Variants in SGSH observed in about 807,000 individuals in gnomAD.
SGSH encodes the protein heparan sulfate sulfatase.
SGSH carries 48 observed loss-of-function variants against 51.0 expected under a neutral mutation model. The ratio of observed to expected loss-of-function variants is 0.94; its 90% CI spans 0.75 to 1.20. The LOEUF is 1.20. SGSH is among the 50% of genes most tolerant of loss of function. The pLI is 0.00. For synonymous variants in SGSH, 321 were observed against 313.4 expected, an observed-to-expected ratio of 1.02 and a Z score of -0.26; for missense variants, 662 against 717.8, an observed-to-expected ratio of 0.92 and a Z score of 0.89.
chr17:80,213,881 G>T lies in SGSH; in HGVS notation c.668C>A (p.Pro223His). 6.2e-7 allele frequency: 1 copy of T among 1,606,744 alleles called. No homozygotes were observed. ...TGCCGGGGTGTTGGGGACGAAGTAAGGCACCTGGGGCAGGCGGTGGGGAGC... is the reference window on the plus strand; with the variant it reads ...TGCCGGGGTGTTGGGGACGAAGTAATGCACCTGGGGCAGGCGGTGGGGAGC... ...QAYDPLDVLV[P>H]YFVPNTPAAR... The change falls in exon 6 of 8, where the codon CCT becomes CAT. Residue 223 changes from proline to histidine, a missense_variant. Pro to His is a moderately conservative substitution (Grantham distance 77, BLOSUM62 -2). Coordinates refer to ENST00000326317, the MANE Select transcript of SGSH (RefSeq NM_000199.5). This position sits in a 1 kb window ranked among gnomAD's most constrained non-coding sequence, Gnocchi z 4.6.
In SGSH at chr17:80,213,995, C is replaced by T; in HGVS notation, c.664-110G>A. On this transcript the variant is annotated intron_variant, in intron 5 of 7. Transcript: ENST00000326317. This position sits in a 1 kb window ranked among gnomAD's most constrained non-coding sequence, Gnocchi z 4.6. ...TGGGTTAGCCCAGAACAGCCTCACT[C>T]CGGACCACCCCGTCTCTCTACGGTT... 7.6e-7 allele frequency: 1 copy of T among 1,313,430 alleles called. No homozygotes were observed. The allele number at this position is 1,313,430 out of a possible 1,614,324, so 81.4% of individuals were successfully genotyped here. A position where few individuals can be genotyped will look rare whatever the true frequency, so the allele number is the denominator to read the frequency against.
chr17:80,210,432 G>A lies in SGSH; in HGVS notation c.*20C>T, dbSNP rs757408208. The A allele has an allele frequency of 3.8e-6, 6 of 1,579,134 alleles. 1 individual carries two copies. In the South Asian group the frequency reaches 6.7e-5, roughly 18 times the overall value. Reference sequence around the variant, plus strand: ...TGTCTGGGACATGCCTGGGATGTGTGCACAGGCCTCCTGGGATGGTCACAG... The same window carrying A: ...TGTCTGGGACATGCCTGGGATGTGTACACAGGCCTCCTGGGATGGTCACAG... On this transcript the variant is annotated 3_prime_UTR_variant, in exon 8 of 8. Coordinates refer to ENST00000326317, the MANE Select transcript of SGSH (RefSeq NM_000199.5).
rs199562202 is a variant in SGSH at position 80,212,222 on chromosome 17, T to C, written c.798A>G (p.Thr266=). The C allele has an allele frequency of 1.3e-4, 202 of 1,613,252 alleles. 1 individual carries two copies. In the East Asian group the frequency reaches 4.3e-3, roughly 35 times the overall value. The change falls in exon 7 of 8, where the codon ACA becomes ACG. Residue 266 remains threonine, a synonymous_variant. Transcript: ENST00000326317. This position sits in a 1 kb window ranked among gnomAD's most constrained non-coding sequence, Gnocchi z 5.9. ...ELRDAGVLND[T]LVIFTSDNGI... ...CGTTGTCGGACGTGAAGATCACCAG[T>C]GTGTCGTTCAGGACACCGGCGTCAC...
downstream of SGSH, chr17:80,205,529 A>G (rs2041251872): frequency 1.3e-6 from 2 of 1,584,792 alleles, no homozygotes; most frequent in Non-Finnish European, 1.7e-6. Context: ...TGTCACCTGT[A>G]GAGTACTTGA....
chr17:80,219,676 C>A (rs993103551), intron 1 of SGSH: 1 of 152,468 alleles, frequency 6.6e-6, no homozygotes, highest in African/African-American at 2.4e-5. Context: ...GCCTTGATTA[C>A]CTAAACCGGA....
downstream of SGSH, chr17:80,207,772 T>C (rs530971426): frequency 5.8e-5 from 14 of 241,732 alleles, no homozygotes; most frequent in South Asian, 2.2e-3. Context: ...CAGAGGACCA[T>C]TGTAAGGCCA....
chr17:80,204,022 C>T, downstream of SGSH: 1 of 811,386 alleles, frequency 1.2e-6, no homozygotes, highest in Non-Finnish European at 1.9e-6. Context: ...CTCCTCTGCA[C>T]CCCTTCAAAC....
the SGSH span, chr17:80,201,555 C>T: frequency 8.5e-5 from 54 of 638,978 alleles, no homozygotes; most frequent in Non-Finnish European, 1.2e-4. This position sits in a 1 kb window ranked among gnomAD's most constrained non-coding sequence, Gnocchi z 5.0. Context: ...ATGTGTAGCA[C>T]GCATCACTAG....
downstream of SGSH, chr17:80,208,419 C>A: frequency 1.5e-6 from 2 of 1,359,254 alleles, no homozygotes; most frequent in Non-Finnish European, 9.9e-7. Context: ...TCAGCCCAGG[C>A]CCTCTTGGCA....
rs2041570764 is a variant in SGSH at position 80,210,063 on chromosome 17, G to A, written c.*389C>T. 2.7e-6 allele frequency: 3 copies of A among 1,111,006 alleles called. No individual in the cohort carries two copies. The highest frequency in any genetic ancestry group is 9.1e-5 in the Admixed American group (2 of 21,860). 68.8% of individuals were successfully genotyped at this position (1,111,006 alleles called of 1,614,324 possible). A position where few individuals can be genotyped will look rare whatever the true frequency, so the allele number is the denominator to read the frequency against. On this transcript the variant is annotated 3_prime_UTR_variant, in exon 8 of 8. Transcript: ENST00000326317. ...ATCTGTGGCTGCCAAAGCCTGAAGA[G>A]GGCCTCAGGCCTCCCATTTGCAGGT...
chr17:80,202,340 C>T (rs142449734), downstream of SGSH: 79 of 1,613,520 alleles, frequency 4.9e-5, no homozygotes, highest in African/African-American at 7.1e-4. Flanking sequence ...TCCAGGGCTG[C>T]GGCTGCTGGC....
downstream of SGSH, chr17:80,205,115 C>A: frequency 6.2e-7 from 1 of 1,613,670 alleles, no homozygotes; most frequent in Non-Finnish European, 8.5e-7. Flanking sequence ...ACCCGCCCGG[C>A]CCCGGCCTGT....
chr17:80,202,403 C>G, downstream of SGSH: 1 of 1,612,470 alleles, frequency 6.2e-7, no homozygotes, highest in Non-Finnish European at 8.5e-7. Context: ...CGCACGGCAC[C>G]ATCCCCAACT....
At chr17:80,208,701 G>A (rs2041491778), downstream of SGSH, 2 of 222,474 alleles carry the variant, frequency 9.0e-6, no homozygotes, top group African/African-American at 2.3e-5. Context: ...CTGCAGGCCC[G>A]ATTCAAATCT....
chr17:80,210,423 G>C lies in SGSH; in HGVS notation c.*29C>G, dbSNP rs753027133. The stretch of plus-strand genomic sequence containing the variant: ...TGTGGGATGTGTCTGGGACATGCCT[G>C]GGATGTGTGCACAGGCCTCCTGGGA... On this transcript the variant is annotated 3_prime_UTR_variant, in exon 8 of 8. Coordinates refer to ENST00000326317, the MANE Select transcript of SGSH (RefSeq NM_000199.5). 6.4e-7 allele frequency: 1 copy of C among 1,567,474 alleles called. No homozygotes were observed. The highest frequency in any genetic ancestry group is 1.7e-5 in the Admixed American group (1 of 57,318).
rs1198333328 is a variant in SGSH, at chr17:80,212,755, C to T, written c.746-481G>A. The T allele has an allele frequency of 4.1e-6, 1 of 243,182 alleles. No homozygotes were observed. The highest frequency in any genetic ancestry group is 8.3e-6 in the Non-Finnish European group (1 of 121,172). The allele number at this position is 243,182 out of a possible 1,614,324, so 15.1% of individuals were successfully genotyped here. ...AATGGCAAAGGTCCTGACCTCCTGT[C>T]GTCCCTGACCCCAAAAGACATGTGT... On this transcript the variant is annotated intron_variant, in intron 6 of 7. Coordinates refer to ENST00000326317, the MANE Select transcript of SGSH (RefSeq NM_000199.5). The surrounding 1 kb of genome is among the most constrained non-coding windows in gnomAD (Gnocchi z 5.9).
chr17:80,205,233 C>A, downstream of SGSH: 1 of 1,575,982 alleles, frequency 6.3e-7, no homozygotes, highest in Non-Finnish European at 8.7e-7. Flanking sequence ...AATCCCTCTA[C>A]CCCTTCCACC....
chr17:80,216,967 C>G (rs2041913023), intron 2 of SGSH, 65 bp downstream of exon 2: 1 of 1,448,192 alleles, frequency 6.9e-7, no homozygotes, highest in African/African-American at 1.4e-5. Flanking sequence ...GTGGCAGAGG[C>G]CTGGGCCCCG....
downstream of SGSH, chr17:80,206,860 C>A: frequency 1.7e-6 from 1 of 598,134 alleles, no homozygotes; most frequent in Non-Finnish European, 2.9e-6. Context: ...TGCCCAGCTC[C>A]TGCCCTGCCC....
Sources: gnomAD v4.1 joint callset for allele counts on GRCh38, gnomAD v4.1.1 for gene constraint, Gnocchi (gnomAD v3.1) non-coding constraint, MANE v1.5 for transcripts, NCBI Gene and HGNC (gene_info 2026-07-23, HGNC 2026-07-21) for gene names.